ARHGAP42: variants seen among roughly 807,000 people sequenced by gnomAD.
ARHGAP42 encodes the protein rho GTPase-activating protein 42.
ARHGAP42 carries 63 observed loss-of-function variants against 125.0 expected under a neutral mutation model. The observed-to-expected ratio is 0.50, with a 90% confidence interval of 0.41 to 0.62. The LOEUF is 0.62. ARHGAP42 is among the 20% of genes least tolerant of loss of function. The pLI is 0.00. For missense variants in ARHGAP42, 766 were observed against 1,024.2 expected, an observed-to-expected ratio of 0.75 and a Z score of 3.44; for synonymous variants, 339 against 351.0, an observed-to-expected ratio of 0.97 and a Z score of 0.38.
At chr11:100,858,851 A>T (rs1865382634) in intron 3 of ARHGAP42, among the ~76,000 whole-genome samples, 1 of 152,060 alleles carries the variant, frequency 6.6e-6, no homozygotes, top group Admixed American at 6.6e-5. Context: ...CTCCAGAATA[A>T]TGGTATCCTT....
At chr11:100,718,877 A>T (rs1239371379) in intron 1 of ARHGAP42, among the ~76,000 whole-genome samples, 1 of 152,222 alleles carries the variant, frequency 6.6e-6, no homozygotes, top group East Asian at 1.9e-4. Context: ...TGACTTATTT[A>T]AATATGTATT....
At chr11:100,901,012 C>G (rs1866530830) in intron 4 of ARHGAP42, among the ~76,000 whole-genome samples, 2 of 151,966 alleles carry the variant, frequency 1.3e-5, no homozygotes, top group South Asian at 4.2e-4. Context: ...CTGATTTTTC[C>G]CCATCTCTGT....
At chr11:100,923,230 A>G (rs1343023038) in intron 6 of ARHGAP42, among the ~76,000 whole-genome samples, 1 of 152,136 alleles carries the variant, frequency 6.6e-6, no homozygotes, top group Non-Finnish European at 1.5e-5. Context: ...CTAGCAAACT[A>G]CTTCCCTAGG....
intron 4 of ARHGAP42, among the ~76,000 whole-genome samples, chr11:100,863,921 A>T (rs939931800): frequency 6.6e-6 from 1 of 152,206 alleles, no homozygotes; most frequent in Non-Finnish European, 1.5e-5. Context: ...ATATATCTGT[A>T]ATCGTCGTAT....
chr11:100,794,679 A>G (rs896349315), intron 2 of ARHGAP42, among the ~76,000 whole-genome samples: 13 of 152,240 alleles, frequency 8.5e-5, no homozygotes, highest in Non-Finnish European at 1.6e-4. Context: ...ACTGGCTGCT[A>G]CTAAGTACAC....
chr11:100,975,951 G>C (rs1591334566), intron 19 of ARHGAP42, 106 bp from the exon 20 acceptor site: 10 of 1,295,162 alleles, frequency 7.7e-6, no homozygotes, highest in Non-Finnish European at 1.0e-5. Context: ...AATGGGGTCA[G>C]GTGGCCGCAG....
At chr11:100,688,668 T>C (rs1861134110) in intron 1 of ARHGAP42, among the ~76,000 whole-genome samples, 1 of 152,246 alleles carries the variant, frequency 6.6e-6, no homozygotes, top group African/African-American at 2.4e-5. Context: ...TTGAGCACAA[T>C]TACATGATAT....
intron 1 of ARHGAP42, among the ~76,000 whole-genome samples, chr11:100,730,537 A>G (rs1408489432): frequency 6.6e-6 from 1 of 152,234 alleles, no homozygotes; most frequent in Non-Finnish European, 1.5e-5. Context: ...GTTAGAGCTT[A>G]AATTCCTTCT....
intron 1 of ARHGAP42, among the ~76,000 whole-genome samples, chr11:100,768,382 G>T (rs1051279228): frequency 6.6e-6 from 1 of 152,154 alleles, no homozygotes; most frequent in Non-Finnish European, 1.5e-5. Flanking sequence ...AACAGATATT[G>T]AGGGTAGGGG....
At chr11:100,737,398 C>T (rs1862088874) in intron 1 of ARHGAP42, among the ~76,000 whole-genome samples, 2 of 152,106 alleles carry the variant, frequency 1.3e-5, no homozygotes, top group African/African-American at 2.4e-5. Flanking sequence ...ACAATGCTAG[C>T]GTAGAATCCT....
At chr11:100,913,091 A>G (rs891329911) in intron 4 of ARHGAP42, among the ~76,000 whole-genome samples, 5 of 152,126 alleles carry the variant, frequency 3.3e-5, no homozygotes, top group Admixed American at 2.6e-4. Context: ...TCTCAGACCC[A>G]CTGGATCAGA....
chr11:100,973,818 G>A (rs983735922), intron 18 of ARHGAP42, among the ~76,000 whole-genome samples: 2 of 152,184 alleles, frequency 1.3e-5, no homozygotes, highest in African/African-American at 2.4e-5. Flanking sequence ...ATTAGTTGGA[G>A]TATTAAGCAA....
At position 100,990,340 on chromosome 11, in the gene ARHGAP42, C is replaced by T. The variant is rs1352436231; in HGVS notation, c.*1539C>T. The T allele has an allele frequency of 1.3e-5, 2 of 152,076 alleles. No individual in the cohort carries two copies. Among genetic ancestry groups the T allele is most frequent in the Non-Finnish European group, 2.9e-5 (2 of 68,004 alleles). The allele number at this position is 152,076 out of a possible 1,614,324, so 9.4% of individuals were successfully genotyped here. A position where few individuals can be genotyped will look rare whatever the true frequency, so the allele number is the denominator to read the frequency against. ...TTATTATCTGTAATCTCTATCTCTT[C>T]TACTTTAAATTAATGTTTCTAGAAT... is the stretch of plus-strand genomic sequence containing the variant. On this transcript the variant is annotated 3_prime_UTR_variant, in exon 24 of 24. Coordinates refer to ENST00000298815, the MANE Select transcript of ARHGAP42 (RefSeq NM_152432.4).
chr11:100,889,648 G>A (rs12285336), intron 4 of ARHGAP42, among the ~76,000 whole-genome samples: 13,795 of 152,086 alleles, frequency 0.091, 896 homozygotes, highest in Non-Finnish European at 0.13. Context: ...TGGACACCCT[G>A]GTTTTCTGAT....
intron 4 of ARHGAP42, among the ~76,000 whole-genome samples, chr11:100,864,711 CCTAGAGCAACT>C (rs1321320727): frequency 6.6e-6 from 1 of 152,136 alleles, no homozygotes; most frequent in Non-Finnish European, 1.5e-5. Flanking sequence ...CTTTCTACTC[CCTAGAGCAACT>C]CTGTTGTGAA....
At chr11:100,874,198 T>A (rs539581917) in intron 4 of ARHGAP42, among the ~76,000 whole-genome samples, 1 of 151,580 alleles carries the variant, frequency 6.6e-6, no homozygotes, top group African/African-American at 2.4e-5. Context: ...GGAGAAGGAG[T>A]CTTACCTTAT....
In ARHGAP42 at chr11:100,973,186, A is replaced by G; in HGVS notation, c.1562A>G (p.His521Arg). The change falls in exon 18 of 24, where the codon CAC becomes CGC. Residue 521 changes from histidine to arginine, a missense_variant. Physicochemically the swap from His to Arg is conservative, Grantham distance 29. This residue lies in a region of ARHGAP42 where 455 missense variants were observed against 636.5 expected (regional missense o/e 0.71). Transcript: ENST00000298815. ...LIKHLVKVSL[H>R]SQQNLMTVSN... Reference sequence around the variant, plus strand: ...CTTTTTATTTGCAGAGTATCACTACACAGCCAACAAAATCTCATGACTGTC... The same window carrying G: ...CTTTTTATTTGCAGAGTATCACTACGCAGCCAACAAAATCTCATGACTGTC... 6.5e-7 allele frequency: 1 copy of G among 1,549,124 alleles called. No homozygotes were observed. The highest frequency in any genetic ancestry group is 8.7e-7 in the Non-Finnish European group (1 of 1,145,942).
At chr11:100,691,141 A>G (rs1320168779) in intron 1 of ARHGAP42, among the ~76,000 whole-genome samples, 1 of 152,170 alleles carries the variant, frequency 6.6e-6, no homozygotes, top group East Asian at 1.9e-4. Flanking sequence ...TTTGTGAGTG[A>G]TGTTTGAAAA....
chr11:100,893,158 G>GGTGTCTGTGTGTGTGTGTGTGTGT (rs1866262712), intron 4 of ARHGAP42, among the ~76,000 whole-genome samples: 1 of 146,988 alleles, frequency 6.8e-6, no homozygotes, highest in Non-Finnish European at 1.5e-5. Flanking sequence ...AACATTTAGG[G>GGTGTCTGTGTGTGTGTGTGTGTGT]GTGTGTGTGT....
Sources: allele counts gnomAD v4.1 joint callset (sites outside exome capture counted in the v4.1 genomes callset), GRCh38; gene constraint gnomAD v4.1.1; regional missense constraint gnomAD v4.1.1; transcripts MANE v1.5; gene names NCBI Gene and HGNC (gene_info 2026-07-23, HGNC 2026-07-21).